PTPRD: variants seen among roughly 807,000 people sequenced by gnomAD.
PTPRD encodes the protein receptor-type tyrosine-protein phosphatase delta.
Under a neutral mutation model 214.5 loss-of-function variants are expected in PTPRD, and 34 were observed. The observed-to-expected ratio is 0.16, with a 90% CI of 0.12 to 0.21. The LOEUF is 0.21. PTPRD is among the 10% of genes least tolerant of loss of function. PTPRD has a pLI of 1.00. For synonymous variants in PTPRD, 1,128 were observed against 845.7 expected, an observed-to-expected ratio of 1.33 and a Z score of -5.79; for missense variants, 2,545 against 2,398.7, an observed-to-expected ratio of 1.06 and a Z score of -1.27.
chr9:8,852,814 C>T (rs1305127291), intron 11 of PTPRD, among the ~76,000 whole-genome samples: 1 of 152,104 alleles, frequency 6.6e-6, no homozygotes, highest in African/African-American at 2.4e-5. Flanking sequence ...ATGTCATAGG[C>T]CAACTGAGTA....
intron 12 of PTPRD, among the ~76,000 whole-genome samples, chr9:8,717,251 G>C (rs1025191238): frequency 6.6e-6 from 1 of 152,194 alleles, no homozygotes; most frequent in East Asian, 1.9e-4. Flanking sequence ...CATTAGGTGT[G>C]TTGGGGGGAG....
chr9:9,212,133 A>T (rs1238834675), intron 9 of PTPRD, among the ~76,000 whole-genome samples: 1 of 152,266 alleles, frequency 6.6e-6, no homozygotes, highest in African/African-American at 2.4e-5. Flanking sequence ...ACTGAGAGGG[A>T]TAAAGATGTT....
In PTPRD at chr9:9,766,842, G is replaced by C. The variant is rs2154479425; in HGVS notation, c.-358C>G. The C allele has an allele frequency of 6.6e-6, 1 of 152,258 alleles. No individual in the cohort carries two copies. Among genetic ancestry groups the C allele is most frequent in the South Asian group, 2.1e-4 (1 of 4,818 alleles). The allele number at this position is 152,258 out of a possible 1,614,324, so 9.4% of individuals were successfully genotyped here. A position where few individuals can be genotyped will look rare whatever the true frequency, so the allele number is the denominator to read the frequency against. On this transcript the variant is annotated 5_prime_UTR_variant, in exon 6 of 46. Transcript: ENST00000381196. ...CAAGGCACATTCTGCTGTGGTCTCA[G>C]GACAGAAACCTAATATAAAAGAAAG...
At chr9:9,947,396 TTATA>T (rs2092783624) in intron 4 of PTPRD, among the ~76,000 whole-genome samples, 1 of 42,286 alleles carries the variant, frequency 2.4e-5, no homozygotes, top group African/African-American at 1.2e-4. Context: ...TATATACATA[TTATA>T]TATAATATAT....
intron 5 of PTPRD, among the ~76,000 whole-genome samples, chr9:9,831,302 C>G (rs186173646): frequency 4.6e-5 from 7 of 152,112 alleles, no homozygotes; most frequent in Non-Finnish European, 4.4e-5. Flanking sequence ...CATCTCCTAT[C>G]TCTTTTAGCC....
intron 8 of PTPRD, among the ~76,000 whole-genome samples, chr9:9,503,284 T>A (rs1294137284): frequency 8.3e-5 from 1 of 11,990 alleles, no homozygotes; most frequent in Non-Finnish European, 1.3e-4. Flanking sequence ...CCAAAAAAAG[T>A]TTTTTTTTTT....
intron 9 of PTPRD, among the ~76,000 whole-genome samples, chr9:9,277,303 A>G (rs1354759466): frequency 6.6e-6 from 1 of 151,376 alleles, no homozygotes; most frequent in Non-Finnish European, 1.5e-5. Context: ...AATCTGTAAG[A>G]ATTTAACATT....
intron 2 of PTPRD, among the ~76,000 whole-genome samples, chr9:10,556,405 C>T (rs1175837274): frequency 6.6e-6 from 1 of 151,824 alleles, no homozygotes; most frequent in East Asian, 1.9e-4. Context: ...CAGTGTTTTT[C>T]CATGACACTA....
chr9:10,123,172 G>T (rs1466727472), intron 3 of PTPRD, among the ~76,000 whole-genome samples: 1 of 152,202 alleles, frequency 6.6e-6, no homozygotes, highest in African/African-American at 2.4e-5. Context: ...AAGCAAAAAA[G>T]ATATTGAGAA....
At chr9:9,842,659 C>T (rs1322075161) in intron 5 of PTPRD, among the ~76,000 whole-genome samples, 1 of 150,814 alleles carries the variant, frequency 6.6e-6, no homozygotes. Flanking sequence ...AATCAACTAT[C>T]TAAAAAAGTT....
At chr9:8,657,504 A>G (rs1565047795) in intron 12 of PTPRD, among the ~76,000 whole-genome samples, 1 of 151,972 alleles carries the variant, frequency 6.6e-6, no homozygotes, top group Non-Finnish European at 1.5e-5. Context: ...TCTTCTTGTA[A>G]ATTTGTTTAA....
intron 35 of PTPRD, among the ~76,000 whole-genome samples, chr9:8,425,830 G>C (rs1302556660): frequency 6.6e-6 from 1 of 152,064 alleles, no homozygotes; most frequent in East Asian, 1.9e-4. Flanking sequence ...AATGTGTCTA[G>C]GGGCATTAAA....
intron 19 of PTPRD, among the ~76,000 whole-genome samples, chr9:8,522,720 G>A (rs368044770): frequency 6.2e-4 from 95 of 152,264 alleles, no homozygotes; most frequent in African/African-American, 2.2e-3. Flanking sequence ...TGTGATACAA[G>A]GAGAAAGTGA....
chr9:9,996,760 C>G (rs185722595), intron 4 of PTPRD, among the ~76,000 whole-genome samples: 1 of 152,066 alleles, frequency 6.6e-6, no homozygotes, highest in Non-Finnish European at 1.5e-5. Flanking sequence ...TGGCTTCATA[C>G]GGCAAGGAAT....
chr9:9,017,641 A>G (rs186072287), intron 11 of PTPRD, among the ~76,000 whole-genome samples: 51 of 152,320 alleles, frequency 3.3e-4, no homozygotes, highest in Admixed American at 1.4e-3. Context: ...ATAAATCAAG[A>G]AACATTTTCT....
chr9:9,242,993 TG>T (rs2099971153), intron 9 of PTPRD, among the ~76,000 whole-genome samples: 2 of 152,138 alleles, frequency 1.3e-5, no homozygotes, highest in Admixed American at 1.3e-4. Context: ...TGGTCTTTGA[TG>T]ATGGTGACGT....
rs1286154712 is a variant in PTPRD, at chr9:10,612,872, G to C, written c.-892C>G. ...GACGGCAAGGAGGAGGCGAGGCTCT[G>C]TCGGGGCGAGGCGCTGCCCCCACGC... On this transcript the variant is annotated 5_prime_UTR_variant, in exon 1 of 46. Transcript: ENST00000381196. 1 of 152,008 alleles carries C rather than the reference G, an allele frequency of 6.6e-6. No homozygotes were observed. Among genetic ancestry groups the C allele is most frequent in the East Asian group, 1.9e-4 (1 of 5,134 alleles). 9.4% of individuals were successfully genotyped at this position (152,008 alleles called of 1,614,324 possible). A position where few individuals can be genotyped will look rare whatever the true frequency, so the allele number is the denominator to read the frequency against.
At chr9:10,335,899 G>A (rs560467282) in intron 3 of PTPRD, among the ~76,000 whole-genome samples, 1 of 151,834 alleles carries the variant, frequency 6.6e-6, no homozygotes, top group South Asian at 2.1e-4. Flanking sequence ...ATATCAGTAC[G>A]TACTTATTAG....
intron 4 of PTPRD, among the ~76,000 whole-genome samples, chr9:10,022,347 A>G (rs1235499303): frequency 3.0e-5 from 4 of 135,124 alleles, no homozygotes; most frequent in Admixed American, 2.4e-4. Context: ...CATATCTGTT[A>G]CTTATTTCTG....
Sources: gnomAD v4.1 joint callset for allele counts (sites outside exome capture counted in the v4.1 genomes callset) on GRCh38, gnomAD v4.1.1 for gene constraint, MANE v1.5 for transcripts, NCBI Gene and HGNC (gene_info 2026-07-23, HGNC 2026-07-21) for gene names.